Variants in LRP1B observed in about 807,000 individuals in gnomAD.
The protein encoded by LRP1B is low-density lipoprotein receptor-related protein 1B.
Under a neutral mutation model 556.6 loss-of-function variants are expected in LRP1B, and 217 were observed. That is an observed-to-expected ratio of 0.39 (90% CI 0.35 to 0.44). LRP1B has a LOEUF of 0.44. Ranked by LOEUF, LRP1B falls within the 20% of genes least tolerant of loss-of-function variation. The pLI, the probability that LRP1B is intolerant of heterozygous loss-of-function variation, is 1.00. For missense variants in LRP1B, 5,053 were observed against 5,620.8 expected (o/e 0.90, Z 3.23); for synonymous variants, 2,047 against 1,865.8 (o/e 1.10, Z -2.50).
intron 77 of LRP1B, among the ~76,000 whole-genome samples, chr2:140,341,039 T>C (rs1681365223): frequency 6.6e-6 from 1 of 151,634 alleles, no homozygotes; most frequent in African/African-American, 2.4e-5. Context: ...ACAGTGTGTT[T>C]CCAGAATCAT....
At chr2:141,010,128 TA>T (rs1455386210) in intron 14 of LRP1B, among the ~76,000 whole-genome samples, 2 of 152,094 alleles carry the variant, frequency 1.3e-5, no homozygotes, top group African/African-American at 2.4e-5. Context: ...CTATTTGTCA[TA>T]AAATAATAGG....
intron 43 of LRP1B, among the ~76,000 whole-genome samples, chr2:140,558,498 G>A (rs532158868): frequency 2.0e-5 from 3 of 152,102 alleles, no homozygotes; most frequent in Admixed American, 6.6e-5. Context: ...TAATCAGAAA[G>A]GACCACATAT....
chr2:141,544,381 T>TCTTCTTCTTCTTCTTCTTCTTCTTCTC (rs1685463294), intron 2 of LRP1B, among the ~76,000 whole-genome samples: 7 of 79,788 alleles, frequency 8.8e-5, no homozygotes, highest in African/African-American at 2.2e-4. Flanking sequence ...TTCTTCTTCT[T>TCTTCTTCTTCTTCTTCTTCTTCTTCTC]CTCCTCCTCC....
chr2:141,734,456 T>C (rs1299698832), intron 2 of LRP1B, among the ~76,000 whole-genome samples: 2 of 151,168 alleles, frequency 1.3e-5, no homozygotes, highest in South Asian at 2.1e-4. Context: ...CAGGGAGAGA[T>C]AGAGAGAGAG....
Position 140,554,545 on chromosome 2 carries a change from C to A in LRP1B, c.7195-12574G>T, listed in dbSNP as rs80174199. On this transcript the variant is annotated intron_variant, in intron 43 of 90. Coordinates refer to ENST00000389484, the MANE Select transcript of LRP1B (RefSeq NM_018557.3). ...AGTGTTTTTCTTTGGGAATCCTCCT[C>A]CAGCTGCCCAAGGTAAAATGGCTTC... is the stretch of plus-strand genomic sequence containing the variant. 5.4e-3 allele frequency among the ~76,000 whole-genome samples: 822 copies of A among 152,148 alleles called. 24 individuals carry two copies. Among genetic ancestry groups the A allele is most frequent in the East Asian group, 0.047 (243 of 5,168 alleles).
At chr2:142,081,958 C>T (rs1158117819) in intron 1 of LRP1B, among the ~76,000 whole-genome samples, 2 of 152,166 alleles carry the variant, frequency 1.3e-5, no homozygotes. Flanking sequence ...GATGGTGCAG[C>T]TACTAAGTGG....
At chr2:140,574,901 A>T (rs1004638399) in intron 43 of LRP1B, among the ~76,000 whole-genome samples, 1 of 152,246 alleles carries the variant, frequency 6.6e-6, no homozygotes, top group Non-Finnish European at 1.5e-5. Flanking sequence ...GTGATAAAAA[A>T]GAAATATTCA....
chr2:140,718,241 C>T (rs1007080674), intron 35 of LRP1B, among the ~76,000 whole-genome samples: 27 of 151,904 alleles, frequency 1.8e-4, no homozygotes, highest in Admixed American at 9.9e-4. Context: ...CCCCTTTCCA[C>T]GGTGGTGTGA....
chr2:142,009,696 G>C (rs1257151732), intron 1 of LRP1B, among the ~76,000 whole-genome samples: 1 of 152,100 alleles, frequency 6.6e-6, no homozygotes, highest in African/African-American at 2.4e-5. Flanking sequence ...ATGATTTTAT[G>C]CTGCATATAT....
At chr2:140,764,873 G>A (rs1413864497) in intron 35 of LRP1B, among the ~76,000 whole-genome samples, 1 of 152,126 alleles carries the variant, frequency 6.6e-6, no homozygotes, top group East Asian at 1.9e-4. Flanking sequence ...ATACTGACAT[G>A]TTCCTTCAGT....
intron 83 of LRP1B, among the ~76,000 whole-genome samples, chr2:140,307,937 T>C (rs1444626116): frequency 5.9e-5 from 9 of 151,820 alleles, no homozygotes. Context: ...AGAATTCTTA[T>C]TTATAGAGCA....
intron 7 of LRP1B, among the ~76,000 whole-genome samples, chr2:141,158,728 T>C (rs1173161777): frequency 6.6e-6 from 1 of 152,186 alleles, no homozygotes; most frequent in East Asian, 1.9e-4. Context: ...AATCCTTCTG[T>C]CTGCAAACTG....
At chr2:140,843,448 G>A (rs1268081829) in intron 29 of LRP1B, among the ~76,000 whole-genome samples, 2 of 152,016 alleles carry the variant, frequency 1.3e-5, no homozygotes, top group Non-Finnish European at 2.9e-5. Context: ...CACCCAGAAT[G>A]TGATGTCTAA....
intron 2 of LRP1B, among the ~76,000 whole-genome samples, chr2:141,674,821 AT>A (rs1690814283): frequency 1.3e-5 from 2 of 152,138 alleles, no homozygotes; most frequent in South Asian, 4.1e-4. Context: ...CTAGAAAAGA[AT>A]TTGCTTTATC....
At position 141,246,504 on chromosome 2, in the gene LRP1B, TTA is replaced by T. The variant is rs566406563; in HGVS notation, c.592+720_592+721del. ...AAGCAAAAGAACAACACGATTTGGTTTATGTTTTAGTAGTAAATCACTTTATT... is the reference window on the plus strand; with the variant it reads ...AAGCAAAAGAACAACACGATTTGGTTTGTTTTAGTAGTAAATCACTTTATT... On this transcript the variant is annotated intron_variant, in intron 5 of 90. Transcript: ENST00000389484. Among the ~76,000 whole-genome samples the T allele has an allele frequency of 6.0e-4, 92 of 152,310 alleles. 1 individual carries two copies. The East Asian group carries it at 0.017, about 28-fold the overall frequency.
intron 1 of LRP1B, among the ~76,000 whole-genome samples, chr2:141,964,400 T>C (rs1478540292): frequency 5.5e-5 from 8 of 146,156 alleles, no homozygotes; most frequent in Non-Finnish European, 9.1e-5. Context: ...AACAGAGATA[T>C]AGATCAATGG....
chr2:141,549,730 C>A (rs1685682341), intron 2 of LRP1B, among the ~76,000 whole-genome samples: 1 of 152,180 alleles, frequency 6.6e-6, no homozygotes, highest in Non-Finnish European at 1.5e-5. Context: ...GGAGCGGTGG[C>A]TCACACCTGT....
chr2:141,096,992 C>T (rs1038040334), intron 7 of LRP1B, among the ~76,000 whole-genome samples: 4 of 152,158 alleles, frequency 2.6e-5, no homozygotes, highest in Admixed American at 1.3e-4. Flanking sequence ...AAGAGGCGAG[C>T]CGTTCCTTGC....
chr2:141,954,119 A>C (rs1319511198), intron 1 of LRP1B, among the ~76,000 whole-genome samples: 1 of 152,130 alleles, frequency 6.6e-6, no homozygotes, highest in African/African-American at 2.4e-5. Flanking sequence ...GATGCCCAGC[A>C]TCTATTTCCA....
Sources: allele counts gnomAD v4.1 joint callset (sites outside exome capture counted in the v4.1 genomes callset), GRCh38; gene constraint gnomAD v4.1.1; transcripts MANE v1.5; gene names NCBI Gene and HGNC (gene_info 2026-07-23, HGNC 2026-07-21).